Variants in IL22RA1 observed in about 807,000 individuals in gnomAD.
IL22RA1 encodes interleukin 22 receptor subunit alpha 1, also known as interleukin-22 receptor subunit alpha-1.
A neutral mutation model predicts 32.8 loss-of-function variants in IL22RA1; 25 were observed. The ratio of observed to expected loss-of-function variants is 0.76; its 90% CI spans 0.55 to 1.06. IL22RA1 has a LOEUF of 1.06. IL22RA1 is among the 50% of genes least tolerant of loss of function. IL22RA1 has a pLI of 0.00. For synonymous variants in IL22RA1, 305 were observed against 305.0 expected (o/e 1.00, Z 0.00); for missense variants, 709 against 727.4 (o/e 0.97, Z 0.29).
chr1:24,123,960 G>A (rs375760657), intron 5 of IL22RA1, among the ~76,000 whole-genome samples: 4 of 152,348 alleles, frequency 2.6e-5, no homozygotes, highest in Admixed American at 6.5e-5. Context: ...CTGCCCTCAT[G>A]AGGAAGTACC....
At chr1:24,121,804 G>GT in intron 6 of IL22RA1, 67 bp from the exon 7 acceptor site, 1 of 1,302,524 alleles carries the variant, frequency 7.7e-7, no homozygotes, top group Non-Finnish European at 1.0e-6. Context: ...TACTGGTGAT[G>GT]TGGGTGGGTG....
chr1:24,133,535 A>C (rs1644220874), intron 4 of IL22RA1, among the ~76,000 whole-genome samples: 1 of 152,206 alleles, frequency 6.6e-6, no homozygotes, highest in Non-Finnish European at 1.5e-5. Flanking sequence ...TTCATGTACT[A>C]TTTGAGAATG....
intron 6 of IL22RA1, among the ~76,000 whole-genome samples, chr1:24,122,053 C>G (rs1240870395): frequency 6.6e-6 from 1 of 152,156 alleles, no homozygotes; most frequent in Non-Finnish European, 1.5e-5. Context: ...GGGGCATGAT[C>G]TCGAGGTGGT....
At chr1:24,138,772 T>C in intron 1 of IL22RA1, 58 bp from the exon 2 acceptor site, 1 of 1,587,106 alleles carries the variant, frequency 6.3e-7, no homozygotes, top group Non-Finnish European at 8.6e-7. Context: ...CCTGCCCATG[T>C]ATGGGCTCAG....
At chr1:24,140,785 C>T (rs889696334) in intron 1 of IL22RA1, among the ~76,000 whole-genome samples, 9 of 152,352 alleles carry the variant, frequency 5.9e-5, no homozygotes, top group African/African-American at 1.9e-4. Context: ...AGGCCCTGGC[C>T]GGCTGGCGTG....
chr1:24,121,285 G>C lies in IL22RA1; in HGVS notation c.1245C>G (p.Pro415=). 6.2e-7 allele frequency: 1 copy of C among 1,613,960 alleles called. No individual in the cohort carries two copies. Among genetic ancestry groups the C allele is most frequent in the Non-Finnish European group, 8.5e-7 (1 of 1,179,918 alleles). ...GTTTAGGACTAGAAAGTGTCCCAGTGGGGGAGTCTTTGCCAGAACCTTCCA... is the reference window on the plus strand; with the variant it reads ...GTTTAGGACTAGAAAGTGTCCCAGTCGGGGAGTCTTTGCCAGAACCTTCCA... ...VCMEGSGKDS[P]TGTLSSPKHL... The change falls in exon 7 of 7, where the codon CCC becomes CCG. Residue 415 remains proline, a synonymous_variant. Coordinates refer to ENST00000270800, the MANE Select transcript of IL22RA1 (RefSeq NM_021258.4).
chr1:24,124,252 A>G (rs1448780743), intron 5 of IL22RA1, among the ~76,000 whole-genome samples: 1 of 152,114 alleles, frequency 6.6e-6, no homozygotes, highest in African/African-American at 2.4e-5. Flanking sequence ...GGAGGGGAGA[A>G]GTGAAAACAG....
intron 1 of IL22RA1, among the ~76,000 whole-genome samples, chr1:24,142,321 C>T (rs901609079): frequency 1.3e-5 from 2 of 152,228 alleles, no homozygotes; most frequent in African/African-American, 4.8e-5. Context: ...TATGCTTTGA[C>T]TTCCTAAGGA....
chr1:24,138,842 T>A (rs1169816250), intron 1 of IL22RA1, 128 bp from the exon 2 acceptor site: 19 of 1,148,394 alleles, frequency 1.7e-5, no homozygotes, highest in Non-Finnish European at 2.5e-6. Flanking sequence ...GATGCCAGCC[T>A]GGTGGGTGGG....
At chr1:24,137,869 C>T (rs572028020) in intron 2 of IL22RA1, among the ~76,000 whole-genome samples, 43 of 152,248 alleles carry the variant, frequency 2.8e-4, no homozygotes, top group African/African-American at 9.9e-4. Flanking sequence ...AGTAAATTGC[C>T]CACGTGTTTG....
At chr1:24,142,374 G>A (rs1644287573) in intron 1 of IL22RA1, among the ~76,000 whole-genome samples, 1 of 152,248 alleles carries the variant, frequency 6.6e-6, no homozygotes, top group Admixed American at 6.5e-5. Context: ...AGCAGAGAGA[G>A]AGTCTAGGGT....
At chr1:24,140,657 G>A (rs1369174841) in intron 1 of IL22RA1, among the ~76,000 whole-genome samples, 1 of 152,158 alleles carries the variant, frequency 6.6e-6, no homozygotes, top group Non-Finnish European at 1.5e-5. Flanking sequence ...AATCTGCACT[G>A]TAAACAAAGA....
intron 2 of IL22RA1, 151 bp from the exon 3 acceptor site, chr1:24,137,460 A>G (rs923299728): frequency 1.9e-5 from 12 of 627,068 alleles, no homozygotes; most frequent in African/African-American, 1.5e-4. Context: ...TTGTTCTCAC[A>G]ATGATTCTCT....
rs139839650 is a variant in IL22RA1, at chr1:24,121,498, C to T, written c.1032G>A (p.Gln344=). 63 of 1,574,506 alleles carry T rather than the reference C, an allele frequency of 4.0e-5. No individual in the cohort carries two copies. In the African/African-American group the frequency reaches 8.1e-4, roughly 20 times the overall value. ...GGGCATAGGACAGTGGGGAGAGGAT[C>T]TGGGGAGGTGGCACGTTGGAGGGCT... ...ILQPSNVPPP[Q]ILSPLSYAPN... Residue 344 remains glutamine (Q), a synonymous_variant, in exon 7 of 7, where the codon CAG becomes CAA. Transcript: ENST00000270800.
rs1004079065 is a variant in IL22RA1, at chr1:24,120,562, C to T, written c.*243G>A. 19 of 477,674 alleles carry T rather than the reference C, an allele frequency of 4.0e-5. No homozygotes were observed. Among genetic ancestry groups the T allele is most frequent in the East Asian group, 3.5e-4 (11 of 31,088 alleles). The allele number at this position is 477,674 out of a possible 1,614,324, so 29.6% of individuals were successfully genotyped here. On this transcript the variant is annotated 3_prime_UTR_variant, in exon 7 of 7. Coordinates refer to ENST00000270800, the MANE Select transcript of IL22RA1 (RefSeq NM_021258.4). ...TCTGCCTTGCAGGGCTCAGCGAGCACGCGCTTGTCTACACAAGCTGCTCCC... is the reference window on the plus strand; with the variant it reads ...TCTGCCTTGCAGGGCTCAGCGAGCATGCGCTTGTCTACACAAGCTGCTCCC...
At chr1:24,141,160 G>T (rs1355059651) in intron 1 of IL22RA1, among the ~76,000 whole-genome samples, 2 of 152,240 alleles carry the variant, frequency 1.3e-5, no homozygotes, top group Non-Finnish European at 2.9e-5. Context: ...GCGCGGGGAG[G>T]GGTCTACTGC....
At chr1:24,137,054 G>T in intron 3 of IL22RA1, 77 bp downstream of exon 3, 2 of 1,418,804 alleles carry the variant, frequency 1.4e-6, no homozygotes, top group East Asian at 2.4e-5. Context: ...ACTCCAGAGG[G>T]GAAGAGGCCA....
intron 5 of IL22RA1, among the ~76,000 whole-genome samples, chr1:24,127,163 T>A (rs1408100726): frequency 6.6e-6 from 1 of 152,028 alleles, no homozygotes; most frequent in African/African-American, 2.4e-5. Context: ...CCAGCCTGAG[T>A]GACAGAGTAA....
rs547629990 is a variant in IL22RA1, at chr1:24,138,624, G to A, written c.134C>T (p.Pro45Leu). Residue 45 changes from proline to leucine, a missense_variant, in exon 2 of 7, where the codon CCG (proline) becomes CTG (leucine). Coordinates refer to ENST00000270800, the MANE Select transcript of IL22RA1 (RefSeq NM_021258.4). Reference protein sequence around the residue: ...FENILTWDSGPEGTPDTVYSI... With the variant: ...FENILTWDSGLEGTPDTVYSI... ...GTAGACCGTGTCTGGGGTGCCCTCC[G>A]GCCCGCTGTCCCACGTCAGGATGTT... is the stretch of plus-strand genomic sequence containing the variant. The A allele has an allele frequency of 2.5e-5, 41 of 1,614,164 alleles. No homozygotes were observed. The highest frequency in any genetic ancestry group is 2.5e-4 in the South Asian group (23 of 91,084).
Sources: gnomAD v4.1 joint callset for allele counts (sites outside exome capture counted in the v4.1 genomes callset) on GRCh38, gnomAD v4.1.1 for gene constraint, MANE v1.5 for transcripts, NCBI Gene and HGNC (gene_info 2026-07-23, HGNC 2026-07-21) for gene names.